Variants in CNTN3 observed in about 807,000 individuals in gnomAD.
CNTN3 encodes contactin-3.
Under a neutral mutation model 119.1 loss-of-function variants are expected in CNTN3, and 60 were observed. That is an observed-to-expected ratio of 0.50 (90% confidence interval 0.41 to 0.62). The LOEUF is 0.62. Ranked by LOEUF, CNTN3 falls within the 20% of genes least tolerant of loss-of-function variation. The pLI, the probability that CNTN3 is intolerant of heterozygous loss-of-function variation, is 0.00. For synonymous variants in CNTN3, 450 were observed against 438.7 expected (o/e 1.03, Z -0.32); for missense variants, 1,101 against 1,242.4 (o/e 0.89, Z 1.71).
intron 3 of CNTN3, among the ~76,000 whole-genome samples, chr3:74,497,023 A>G (rs957591285): frequency 6.6e-6 from 1 of 152,056 alleles, no homozygotes; most frequent in Non-Finnish European, 1.5e-5. Flanking sequence ...CTGAATCCTT[A>G]AAAACATGTT....
At chr3:74,425,495 T>A (rs919279438) in intron 4 of CNTN3, among the ~76,000 whole-genome samples, 10 of 152,186 alleles carry the variant, frequency 6.6e-5, no homozygotes, top group Non-Finnish European at 1.5e-4. Flanking sequence ...TACCCACTGA[T>A]CCCATGTTGC....
intron 1 of CNTN3, among the ~76,000 whole-genome samples, chr3:74,562,733 G>C (rs1192243423): frequency 6.6e-6 from 1 of 151,924 alleles, no homozygotes; most frequent in Non-Finnish European, 1.5e-5. Flanking sequence ...TTTCTCCCAA[G>C]TCATTAGCGG....
intron 1 of CNTN3, among the ~76,000 whole-genome samples, chr3:74,600,068 T>C (rs1201173565): frequency 6.6e-6 from 1 of 152,008 alleles, no homozygotes; most frequent in African/African-American, 2.4e-5. Flanking sequence ...GTTTCTCTCT[T>C]TACAAGTGAG....
In CNTN3 at chr3:74,334,984, A is replaced by G. The variant is rs536883013; in HGVS notation, c.1493-74T>C. 27 of 1,107,416 alleles carry G rather than the reference A, an allele frequency of 2.4e-5. No homozygotes were observed. The East Asian group carries it at 3.6e-4, about 15-fold the overall frequency. The allele number at this position is 1,107,416 out of a possible 1,614,324, so 68.6% of individuals were successfully genotyped here. On this transcript the variant is annotated intron_variant, in intron 12 of 22. Coordinates refer to ENST00000263665, the MANE Select transcript of CNTN3 (RefSeq NM_020872.3). The stretch of plus-strand genomic sequence containing the variant: ...AGACATTTGCACAGGCAGACTGTTC[A>G]TCTAACTTATACTGTGTATGTCTGT...
At chr3:74,364,682 A>C in intron 9 of CNTN3, 86 bp from the exon 10 acceptor site, 2 of 1,188,778 alleles carry the variant, frequency 1.7e-6, no homozygotes, top group Non-Finnish European at 2.4e-6. Context: ...ACTCACACAG[A>C]AACTTTCTGC....
At chr3:74,431,862 T>G (rs758319561) in intron 4 of CNTN3, among the ~76,000 whole-genome samples, 28 of 152,198 alleles carry the variant, frequency 1.8e-4, no homozygotes, top group Non-Finnish European at 2.1e-4. Context: ...GATCACAGCA[T>G]GAAGAGCGAA....
chr3:74,581,299 T>A (rs1386923691), intron 1 of CNTN3, among the ~76,000 whole-genome samples: 1 of 152,084 alleles, frequency 6.6e-6, no homozygotes, highest in Non-Finnish European at 1.5e-5. Flanking sequence ...TACAATACAA[T>A]GCCAGTACAT....
chr3:74,295,616 C>G (rs1575704640), intron 18 of CNTN3, among the ~76,000 whole-genome samples: 1 of 152,026 alleles, frequency 6.6e-6, no homozygotes, highest in East Asian at 1.9e-4. Context: ...TTTCATTTTG[C>G]CAAACAAAGG....
intron 11 of CNTN3, among the ~76,000 whole-genome samples, chr3:74,353,105 C>T (rs1301952277): frequency 6.6e-6 from 1 of 152,084 alleles, no homozygotes; most frequent in Non-Finnish European, 1.5e-5. Context: ...TGGAGAGAGA[C>T]ACATTCCTTT....
chr3:74,554,565 C>A (rs533578505), intron 1 of CNTN3, among the ~76,000 whole-genome samples: 1 of 152,232 alleles, frequency 6.6e-6, no homozygotes, highest in Non-Finnish European at 1.5e-5. Context: ...AATGTTTTTC[C>A]ATTTGTTTGT....
chr3:74,423,188 CCTA>C (rs1325440370), intron 5 of CNTN3, among the ~76,000 whole-genome samples: 1 of 152,050 alleles, frequency 6.6e-6, no homozygotes, highest in Admixed American at 6.6e-5. Context: ...GGAGCGGACC[CCTA>C]AATAGAGTTT....
intron 5 of CNTN3, among the ~76,000 whole-genome samples, chr3:74,381,431 A>G (rs1464900124): frequency 6.6e-6 from 1 of 152,168 alleles, no homozygotes; most frequent in Admixed American, 6.6e-5. Flanking sequence ...AAGTAATCCC[A>G]GTCTGCCCTT....
intron 4 of CNTN3, among the ~76,000 whole-genome samples, chr3:74,454,008 C>T (rs1327908811): frequency 6.7e-6 from 1 of 148,178 alleles, no homozygotes; most frequent in African/African-American, 2.5e-5. Flanking sequence ...GTGGAGAGTT[C>T]TGTAGATGTC....
At chr3:74,597,127 G>A (rs1704826858) in intron 1 of CNTN3, among the ~76,000 whole-genome samples, 1 of 152,014 alleles carries the variant, frequency 6.6e-6, no homozygotes, top group Admixed American at 6.6e-5. Context: ...TTAGTTCACA[G>A]GTCTGACATT....
chr3:74,516,758 T>C lies in CNTN3; in HGVS notation c.55+4300A>G, dbSNP rs1166223375. 2.8e-5 allele frequency among the ~76,000 whole-genome samples: 4 copies of C among 144,934 alleles called. 1 individual carries two copies. The highest frequency in any genetic ancestry group is 1.9e-4 in the East Asian group (1 of 5,138). On this transcript the variant is annotated intron_variant, in intron 2 of 22. Transcript: ENST00000263665. Reference sequence around the variant, plus strand: ...TTCCTTCAACGGAAATTCCAGGCGCTGAGCTAGCCCTGATAAGTAAATGAG... The same window carrying C: ...TTCCTTCAACGGAAATTCCAGGCGCCGAGCTAGCCCTGATAAGTAAATGAG...
intron 4 of CNTN3, among the ~76,000 whole-genome samples, chr3:74,441,973 T>A (rs570752480): frequency 6.6e-6 from 1 of 152,256 alleles, no homozygotes; most frequent in African/African-American, 2.4e-5. Context: ...TTCAATTTCA[T>A]TTTTTGCATA....
intron 11 of CNTN3, among the ~76,000 whole-genome samples, chr3:74,346,764 TCC>T: frequency 6.6e-6 from 1 of 151,666 alleles, no homozygotes; most frequent in Non-Finnish European, 1.5e-5. Flanking sequence ...CATCCATCCA[TCC>T]ATCCATCCAT....
chr3:74,330,343 G>A (rs1703231652), intron 13 of CNTN3, among the ~76,000 whole-genome samples: 1 of 150,490 alleles, frequency 6.6e-6, no homozygotes, highest in Non-Finnish European at 1.5e-5. Context: ...GTGACACAGT[G>A]AGACCCTGTC....
chr3:74,582,563 T>G (rs576924271), intron 1 of CNTN3, among the ~76,000 whole-genome samples: 1 of 152,266 alleles, frequency 6.6e-6, no homozygotes, highest in South Asian at 2.1e-4. Flanking sequence ...CAAAAGAAGA[T>G]CTATACATGA....
Sources: gnomAD v4.1 joint callset for allele counts (sites outside exome capture counted in the v4.1 genomes callset) on GRCh38, gnomAD v4.1.1 for gene constraint, MANE v1.5 for transcripts, NCBI Gene and HGNC (gene_info 2026-07-23, HGNC 2026-07-21) for gene names.